The following GABRG3 variants were observed in gnomAD, a reference collection of about 807,000 sequenced individuals.
GABRG3 encodes gamma-aminobutyric acid receptor subunit gamma-3.
GABRG3 carries 25 observed loss-of-function variants against 48.8 expected under a neutral mutation model. The ratio of observed to expected loss-of-function variants is 0.51; its 90% CI spans 0.37 to 0.72. The LOEUF (loss-of-function observed/expected upper bound fraction) is 0.72, where lower values mean the gene tolerates loss of function less well. Ranked by LOEUF, GABRG3 falls within the 30% of genes least tolerant of loss-of-function variation. The pLI is 0.00. For synonymous variants in GABRG3, 227 were observed against 217.6 expected (o/e 1.04, Z -0.38); for missense variants, 394 against 577.9 (o/e 0.68, Z 3.26).
At chr15:27,510,197 G>C (rs1890862812) in intron 6 of GABRG3, among the ~76,000 whole-genome samples, 1 of 152,144 alleles carries the variant, frequency 6.6e-6, no homozygotes, top group South Asian at 2.1e-4. Context: ...CGTGTGGGTG[G>C]TTGGATCAAG....
chr15:27,087,987 C>G (rs1346893432), intron 3 of GABRG3, among the ~76,000 whole-genome samples: 2 of 137,576 alleles, frequency 1.5e-5, no homozygotes, highest in Admixed American at 1.5e-4. Context: ...ATGTGCGTGT[C>G]TCTGTGTGTG....
chr15:27,489,070 G>A (rs113365580), intron 6 of GABRG3, among the ~76,000 whole-genome samples: 3,139 of 143,966 alleles, frequency 0.022, 113 homozygotes, highest in African/African-American at 0.076. Context: ...GATGTTCCCC[G>A]CCCTGAGTCC....
At chr15:27,464,001 C>T (rs938614924) in intron 5 of GABRG3, among the ~76,000 whole-genome samples, 1 of 152,154 alleles carries the variant, frequency 6.6e-6, no homozygotes, top group African/African-American at 2.4e-5. Flanking sequence ...GCTGGTGTCA[C>T]CCATGCATCG....
Position 27,503,905 on chromosome 15 carries a change from C to T in GABRG3, c.713-16067C>T, listed in dbSNP as rs572273427. 3.9e-5 allele frequency among the ~76,000 whole-genome samples: 6 copies of T among 152,088 alleles called. No individual in the cohort carries two copies. The South Asian group carries it at 6.2e-4, about 16-fold the overall frequency. On this transcript the variant is annotated intron_variant, in intron 6 of 9. Coordinates refer to ENST00000615808, the MANE Select transcript of GABRG3 (RefSeq NM_033223.5). Reference sequence around the variant, plus strand: ...TGATTTTTTATCTTGTGGCACTGACCCTTTTTCATTAGGAAATGAATTTCT... The same window carrying T: ...TGATTTTTTATCTTGTGGCACTGACTCTTTTTCATTAGGAAATGAATTTCT...
At chr15:27,044,385 C>A (rs1896328147) in intron 3 of GABRG3, among the ~76,000 whole-genome samples, 2 of 139,460 alleles carry the variant, frequency 1.4e-5, no homozygotes, top group African/African-American at 5.1e-5. Flanking sequence ...TCGAAGCTAT[C>A]AATAGGTATT....
chr15:27,060,172 A>G (rs1896621000), intron 3 of GABRG3, among the ~76,000 whole-genome samples: 1 of 152,210 alleles, frequency 6.6e-6, no homozygotes, highest in East Asian at 1.9e-4. Context: ...TGTTGTCAAG[A>G]GCTTTCCCAG....
At chr15:27,121,405 C>T (rs906245638) in intron 3 of GABRG3, among the ~76,000 whole-genome samples, 6 of 152,194 alleles carry the variant, frequency 3.9e-5, no homozygotes, top group Non-Finnish European at 7.3e-5. Flanking sequence ...AACTTCCCTT[C>T]GGCGATACCA....
chr15:27,320,726 C>T (rs1167609440), intron 3 of GABRG3, among the ~76,000 whole-genome samples: 1 of 151,864 alleles, frequency 6.6e-6, no homozygotes, highest in Non-Finnish European at 1.5e-5. Context: ...GAAGGAGGGC[C>T]AGTGGTCAGA....
chr15:27,435,557 T>A (rs1026608086), intron 5 of GABRG3, among the ~76,000 whole-genome samples: 9 of 152,224 alleles, frequency 5.9e-5, no homozygotes, highest in Admixed American at 2.0e-4. Context: ...TGTCTGTCTC[T>A]GACCACCAGA....
At chr15:27,231,009 A>ATGTG (rs3068361) in intron 3 of GABRG3, among the ~76,000 whole-genome samples, 2,833 of 143,462 alleles carry the variant, frequency 0.02, 38 homozygotes, top group East Asian at 0.062. Flanking sequence ...AAACAGTAAA[A>ATGTG]TGTGTGTGTG....
chr15:27,062,434 T>TAAACAAAAAAAAAAAAAAAAAAAAAA (rs1896663987), intron 3 of GABRG3, among the ~76,000 whole-genome samples: 1 of 32,826 alleles, frequency 3.0e-5, no homozygotes, highest in Non-Finnish European at 8.5e-5. Flanking sequence ...CCATCTCTAC[T>TAAACAAAAAAAAAAAAAAAAAAAAAA]AAAAAAAAAA....
At chr15:27,402,402 C>T (rs1887500140) in intron 5 of GABRG3, among the ~76,000 whole-genome samples, 1 of 152,228 alleles carries the variant, frequency 6.6e-6, no homozygotes, top group Non-Finnish European at 1.5e-5. Flanking sequence ...TGGATATCAG[C>T]ATTTTAAGCA....
chr15:27,139,560 C>G (rs1227364413), intron 3 of GABRG3, among the ~76,000 whole-genome samples: 1 of 152,132 alleles, frequency 6.6e-6, no homozygotes, highest in Non-Finnish European at 1.5e-5. Context: ...ATCAGTAATC[C>G]AATCAAGTTG....
intron 7 of GABRG3, among the ~76,000 whole-genome samples, chr15:27,525,969 T>TAA (rs1413992992): frequency 3.0e-5 from 3 of 99,990 alleles, no homozygotes; most frequent in African/African-American, 4.7e-5. Context: ...AATAAAATAA[T>TAA]TTTTTTCTAA....
chr15:27,186,680 C>T (rs989378672), intron 3 of GABRG3, among the ~76,000 whole-genome samples: 16 of 152,032 alleles, frequency 1.1e-4, no homozygotes, highest in African/African-American at 2.9e-4. Flanking sequence ...TATTTTCTGA[C>T]GTTTTAACAA....
At chr15:27,507,539 C>CAAAT (rs949354783) in intron 6 of GABRG3, among the ~76,000 whole-genome samples, 1 of 151,834 alleles carries the variant, frequency 6.6e-6, no homozygotes, top group Non-Finnish European at 1.5e-5. Flanking sequence ...AATAAATAAA[C>CAAAT]AAATAAATAT....
At chr15:27,075,585 G>C (rs1896897024) in intron 3 of GABRG3, among the ~76,000 whole-genome samples, 1 of 149,194 alleles carries the variant, frequency 6.7e-6, no homozygotes, top group African/African-American at 2.5e-5. Context: ...TCTGCCCTCT[G>C]AATAATTCAT....
intron 5 of GABRG3, among the ~76,000 whole-genome samples, chr15:27,335,687 G>T (rs529697010): frequency 6.6e-6 from 1 of 152,128 alleles, no homozygotes; most frequent in African/African-American, 2.4e-5. Context: ...AGGAGAGAAC[G>T]AGGGGAGCAC....
At chr15:27,251,904 C>T (rs1351952100) in intron 3 of GABRG3, among the ~76,000 whole-genome samples, 1 of 152,194 alleles carries the variant, frequency 6.6e-6, no homozygotes, top group Non-Finnish European at 1.5e-5. Flanking sequence ...TGCGTCCTTG[C>T]CACAGTCAGA....
Sources: gnomAD v4.1 joint callset for allele counts (sites outside exome capture counted in the v4.1 genomes callset) on GRCh38, gnomAD v4.1.1 for gene constraint, MANE v1.5 for transcripts, NCBI Gene and HGNC (gene_info 2026-07-23, HGNC 2026-07-21) for gene names.